TBC1D1: variants seen among roughly 807,000 people sequenced by gnomAD.
TBC1D1 encodes TBC1 domain family member 1.
TBC1D1 carries 89 observed loss-of-function variants against 125.6 expected under a neutral mutation model. The observed-to-expected ratio is 0.71, with a 90% CI of 0.60 to 0.85. TBC1D1 has a LOEUF of 0.85. Ranked by LOEUF, TBC1D1 falls within the 40% of genes least tolerant of loss-of-function variation. The pLI, the probability that TBC1D1 is intolerant of heterozygous loss-of-function variation, is 0.00. For missense variants in TBC1D1, 1,377 were observed against 1,469.2 expected, an observed-to-expected ratio of 0.94 and a Z score of 1.03; for synonymous variants, 565 against 564.1, an observed-to-expected ratio of 1.00 and a Z score of -0.02.
chr4:37,964,450 G>A (rs904868956), intron 2 of TBC1D1, among the ~76,000 whole-genome samples: 3 of 152,220 alleles, frequency 2.0e-5, no homozygotes, highest in African/African-American at 7.2e-5. Context: ...ATTAGGCTGT[G>A]GCGAGGACCA....
intron 2 of TBC1D1, among the ~76,000 whole-genome samples, chr4:38,005,186 G>A (rs1739875873): frequency 6.6e-6 from 1 of 152,224 alleles, no homozygotes; most frequent in Non-Finnish European, 1.5e-5. Flanking sequence ...GTGTGTAAGA[G>A]GAGGGTGCTC....
At chr4:38,045,588 C>T (rs575640274) in intron 9 of TBC1D1, among the ~76,000 whole-genome samples, 31 of 152,100 alleles carry the variant, frequency 2.0e-4, no homozygotes, top group Admixed American at 3.9e-4. Flanking sequence ...ATCACTCATG[C>T]CAAATTACTT....
rs746038831 is a variant in TBC1D1 at position 37,961,034 on chromosome 4, T to C, written c.418-53475T>C. On this transcript the variant is annotated intron_variant, in intron 2 of 19. Transcript: ENST00000261439. ...GAATTGCCAGCTGTTTGCTATGACATAGATATTTAAATTTCTTAGTGCTTT... is the reference window on the plus strand; with the variant it reads ...GAATTGCCAGCTGTTTGCTATGACACAGATATTTAAATTTCTTAGTGCTTT... The C allele has an allele frequency of 9.3e-6, 15 of 1,612,976 alleles. No individual in the cohort carries two copies. The South Asian group carries it at 1.5e-4, about 17-fold the overall frequency.
intron 2 of TBC1D1, among the ~76,000 whole-genome samples, chr4:37,921,109 C>CA (rs1188232681): frequency 0.095 from 6,821 of 71,650 alleles, 614 homozygotes; most frequent in African/African-American, 0.16. Flanking sequence ...GACTCCGTCT[C>CA]AAAAAAAAAA....
rs1049684764 is a variant in TBC1D1, at chr4:38,014,557, CAGG to C, written c.472_474del (p.Glu158del). ...CCGTCAGGCGGGGAAGATCGCCCGG[CAGG>C]AGGAGCTGCACTGCCCGTCCGAGTT... On this transcript the variant is annotated inframe_deletion, in exon 3 of 20. Transcript: ENST00000261439. This position sits in a 1 kb window ranked among gnomAD's most constrained non-coding sequence, Gnocchi z 5.1. 8 of 1,613,220 alleles carry C rather than the reference CAGG, an allele frequency of 5.0e-6. No homozygotes were observed. Among genetic ancestry groups the C allele is most frequent in the Non-Finnish European group, 6.8e-6 (8 of 1,180,036 alleles).
intron 2 of TBC1D1, among the ~76,000 whole-genome samples, chr4:37,937,154 G>C (rs1267498624): frequency 3.3e-5 from 5 of 152,226 alleles, no homozygotes; most frequent in Non-Finnish European, 5.9e-5. Flanking sequence ...CCTTGTGAGA[G>C]TCAGCTCTCA....
At chr4:38,007,238 T>A (rs944871039) in intron 2 of TBC1D1, 1 of 152,386 alleles carries the variant, frequency 6.6e-6, no homozygotes. Flanking sequence ...TTTATTTTTT[T>A]ATTTATTTAT....
chr4:38,092,217 G>A (rs1311973759), intron 13 of TBC1D1, among the ~76,000 whole-genome samples: 1 of 152,112 alleles, frequency 6.6e-6, no homozygotes, highest in African/African-American at 2.4e-5. Context: ...ACTTAATGTT[G>A]CCAATAGGTT....
chr4:38,005,394 T>G (rs1031632388), intron 2 of TBC1D1, among the ~76,000 whole-genome samples: 8 of 152,198 alleles, frequency 5.3e-5, no homozygotes, highest in African/African-American at 1.9e-4. Flanking sequence ...TCTTGGGTAT[T>G]GTACATTATG....
intron 12 of TBC1D1, among the ~76,000 whole-genome samples, chr4:38,065,641 C>T (rs942269166): frequency 7.0e-6 from 1 of 142,644 alleles, no homozygotes; most frequent in Non-Finnish European, 1.5e-5. Flanking sequence ...TAGGTATTAC[C>T]GCCTTTTTTT....
intron 2 of TBC1D1, among the ~76,000 whole-genome samples, chr4:37,989,867 A>G (rs1389882169): frequency 2.0e-5 from 3 of 152,192 alleles, no homozygotes; most frequent in African/African-American, 7.2e-5. Context: ...TTCGTCTCTC[A>G]GAGTGCAATG....
chr4:37,954,168 C>G (rs1728449000), intron 2 of TBC1D1, among the ~76,000 whole-genome samples: 1 of 152,196 alleles, frequency 6.6e-6, no homozygotes, highest in South Asian at 2.1e-4. Context: ...TGTGTGGCCT[C>G]AGGATTCCAA....
Position 37,995,730 on chromosome 4 carries a change from C to G in TBC1D1, c.418-18779C>G. On this transcript the variant is annotated intron_variant, in intron 2 of 19. Coordinates refer to ENST00000261439, the MANE Select transcript of TBC1D1 (RefSeq NM_015173.4). The surrounding 1 kb of genome is among the most constrained non-coding windows in gnomAD (Gnocchi z 4.3). ...CTGAGAAGTATTTGGAAATGGTTGTCTGGACGGCTTGCACTTTGGTCTTAA... is the reference window on the plus strand; with the variant it reads ...CTGAGAAGTATTTGGAAATGGTTGTGTGGACGGCTTGCACTTTGGTCTTAA... 1.9e-6 allele frequency: 1 copy of G among 528,090 alleles called. No homozygotes were observed. Among genetic ancestry groups the G allele is most frequent in the Admixed American group, 1.9e-5 (1 of 51,658 alleles). The allele number at this position is 528,090 out of a possible 1,614,324, so 32.7% of individuals were successfully genotyped here.
At chr4:37,905,124 A>G (rs979494153) in intron 2 of TBC1D1, among the ~76,000 whole-genome samples, 1 of 152,250 alleles carries the variant, frequency 6.6e-6, no homozygotes, top group Non-Finnish European at 1.5e-5. Flanking sequence ...GTCTTGGGAG[A>G]AGAGGCATGT....
At chr4:38,116,071 T>A in intron 16 of TBC1D1, 117 bp downstream of exon 18, 1 of 1,138,248 alleles carries the variant, frequency 8.8e-7, no homozygotes, top group Non-Finnish European at 1.3e-6. Context: ...TAGCTGTCAC[T>A]GCTGATAAAG....
At chr4:38,094,220 T>G (rs187034260) in intron 13 of TBC1D1, among the ~76,000 whole-genome samples, 12 of 152,258 alleles carry the variant, frequency 7.9e-5, no homozygotes, top group African/African-American at 2.9e-4. Flanking sequence ...AAGCCATTGT[T>G]AACAGAGCAG....
chr4:37,951,159 T>C (rs908215589), intron 2 of TBC1D1, among the ~76,000 whole-genome samples: 11 of 152,222 alleles, frequency 7.2e-5, no homozygotes, highest in Admixed American at 6.5e-4. Flanking sequence ...TTTGAAAATA[T>C]ATTGTCCTTT....
chr4:38,078,596 G>T (rs1390686980), intron 12 of TBC1D1, among the ~76,000 whole-genome samples: 3 of 152,182 alleles, frequency 2.0e-5, no homozygotes, highest in Non-Finnish European at 2.9e-5. Flanking sequence ...CCAAAAAGAG[G>T]TAGAGACCCC....
chr4:37,974,499 A>G (rs757592996), intron 2 of TBC1D1, among the ~76,000 whole-genome samples: 2 of 152,132 alleles, frequency 1.3e-5, no homozygotes, highest in Non-Finnish European at 2.9e-5. Flanking sequence ...TTGGCATCCC[A>G]AAGTGCTGGG....
Sources: gnomAD v4.1 joint callset for allele counts (sites outside exome capture counted in the v4.1 genomes callset) on GRCh38, gnomAD v4.1.1 for gene constraint, Gnocchi (gnomAD v3.1) non-coding constraint, MANE v1.5 for transcripts, NCBI Gene and HGNC (gene_info 2026-07-23, HGNC 2026-07-21) for gene names.